Variants in DUS2 observed in about 807,000 individuals in gnomAD.
DUS2 encodes the protein dihydrouridine synthase 2.
A neutral mutation model predicts 71.3 loss-of-function variants in DUS2; 52 were observed. The observed-to-expected ratio is 0.73, with a 90% CI of 0.58 to 0.92. The LOEUF is 0.92. Ranked by LOEUF, DUS2 falls within the 40% of genes least tolerant of loss-of-function variation. The pLI is 0.00. For missense variants in DUS2, 558 were observed against 622.6 expected (o/e 0.90, Z 1.10); for synonymous variants, 204 against 227.8 (o/e 0.90, Z 0.94).
At chr16:68,037,263 C>T (rs898085303) in intron 2 of DUS2, among the ~76,000 whole-genome samples, 1 of 150,834 alleles carries the variant, frequency 6.6e-6, no homozygotes, top group African/African-American at 2.4e-5. Context: ...AATGTATGTG[C>T]ATGTATACTA....
Position 68,028,499 on chromosome 16 carries a change from CGTG to C in DUS2, c.-19+3013_-19+3015del, listed in dbSNP as rs556292025. Among the ~76,000 whole-genome samples, 1,053 of 151,978 alleles carry C rather than the reference CGTG, an allele frequency of 6.9e-3. 6 individuals carry two copies. Among genetic ancestry groups the C allele is most frequent in the Non-Finnish European group, 9.8e-3 (664 of 67,964 alleles). ...AAAAAAATACAAAAAATTAGCTGGG[CGTG>C]GTGGTGGGCACCTGTAATCCCAGCT... is the stretch of plus-strand genomic sequence containing the variant. On this transcript the variant is annotated intron_variant, in intron 2 of 16. Transcript: ENST00000565263.
intron 13 of DUS2, among the ~76,000 whole-genome samples, chr16:68,074,995 C>T (rs74680231): frequency 0.011 from 1,746 of 152,284 alleles, 35 homozygotes; most frequent in Non-Finnish European, 0.014. Context: ...TCTGTCTCTT[C>T]CTCCCATGGG....
chr16:68,031,366 T>C (rs1412044572), intron 2 of DUS2, among the ~76,000 whole-genome samples: 1 of 152,102 alleles, frequency 6.6e-6, no homozygotes, highest in Non-Finnish European at 1.5e-5. Context: ...GGTTTCACCA[T>C]GTTGGCCAGG....
intron 7 of DUS2, among the ~76,000 whole-genome samples, chr16:68,060,408 G>A (rs2151421923): frequency 6.6e-6 from 1 of 152,074 alleles, no homozygotes; most frequent in Admixed American, 6.6e-5. Flanking sequence ...CCACCTCCTG[G>A]GTTCAAGCAA....
chr16:68,038,143 C>T lies in DUS2; in HGVS notation c.120C>T (p.Tyr40=), dbSNP rs1237725710. 6.2e-7 allele frequency: 1 copy of T among 1,613,666 alleles called. No homozygotes were observed. The highest frequency in any genetic ancestry group is 8.5e-7 in the Non-Finnish European group (1 of 1,179,856). ...LALDYGADIV[Y]CEELIDLKMI... ...TGGATTATGGAGCGGACATTGTTTA[C>T]TGTGAGGTAAGGGGCTCTGATTTTC... Residue 40 remains tyrosine (Y), a synonymous_variant, in exon 3 of 17, where the codon TAC becomes TAT. Transcript: ENST00000565263.
At chr16:68,064,775 G>C (rs2033983564) in intron 8 of DUS2, among the ~76,000 whole-genome samples, 1 of 152,222 alleles carries the variant, frequency 6.6e-6, no homozygotes, top group Non-Finnish European at 1.5e-5. Flanking sequence ...AGCAGGTCCT[G>C]TCTTGCTCAT....
At chr16:68,042,510 A>C (rs994695820) in intron 3 of DUS2, among the ~76,000 whole-genome samples, 1 of 151,946 alleles carries the variant, frequency 6.6e-6, no homozygotes, top group African/African-American at 2.4e-5. Flanking sequence ...CGGTTTCTCT[A>C]CATCCTCAAA....
chr16:68,026,216 C>G (rs2033347440), intron 2 of DUS2, among the ~76,000 whole-genome samples: 1 of 152,122 alleles, frequency 6.6e-6, no homozygotes, highest in Non-Finnish European at 1.5e-5. Flanking sequence ...ATCTCGAACT[C>G]CTGACCTCAG....
intron 2 of DUS2, among the ~76,000 whole-genome samples, chr16:68,033,053 A>AT (rs923557638): frequency 1.3e-5 from 2 of 151,660 alleles, no homozygotes; most frequent in African/African-American, 4.9e-5. Flanking sequence ...AAGGTTTAGG[A>AT]TTTTTCCTAA....
intron 3 of DUS2, among the ~76,000 whole-genome samples, chr16:68,041,577 C>A (rs2033625552): frequency 1.3e-5 from 2 of 152,056 alleles, no homozygotes; most frequent in Admixed American, 1.3e-4. Context: ...CTTTGGGAGG[C>A]CGAGGCAGGT....
chr16:68,038,745 G>T (rs890146761), intron 3 of DUS2, among the ~76,000 whole-genome samples: 1 of 141,104 alleles, frequency 7.1e-6, no homozygotes, highest in Non-Finnish European at 1.5e-5. Flanking sequence ...AAAAAAAAAA[G>T]ATAAAAATAA....
intron 2 of DUS2, among the ~76,000 whole-genome samples, chr16:68,037,544 A>C (rs1351345865): frequency 1.3e-5 from 2 of 150,964 alleles, no homozygotes; most frequent in African/African-American, 2.4e-5. Context: ...CAGCCTCCTG[A>C]GTAGCTGGGA....
At chr16:68,070,277 G>A in intron 11 of DUS2, 57 bp downstream of exon 11, 1 of 1,540,670 alleles carries the variant, frequency 6.5e-7, no homozygotes, top group South Asian at 1.1e-5. Flanking sequence ...GGGCTGGGTG[G>A]TAGCCAGGCC....
At position 68,066,297 on chromosome 16, in the gene DUS2, T is replaced by C. The variant is rs754787374; in HGVS notation, c.418-20T>C. 1.2e-6 allele frequency: 2 copies of C among 1,613,404 alleles called. No homozygotes were observed. Among genetic ancestry groups the C allele is most frequent in the Non-Finnish European group, 8.5e-7 (1 of 1,179,456 alleles). On this transcript the variant is annotated intron_variant, in intron 8 of 16. Coordinates refer to ENST00000565263, the MANE Select transcript of DUS2 (RefSeq NM_017803.5). ...TTTGTTCCAGAAGACATAGGTGCTC[T>C]TGTGTTTTCCTTTCTGCAGATCCTC...
At chr16:68,068,775 T>G (rs1311558643) in intron 10 of DUS2, among the ~76,000 whole-genome samples, 2 of 148,660 alleles carry the variant, frequency 1.3e-5, no homozygotes, top group Non-Finnish European at 1.5e-5. Context: ...TTTTTTTGTA[T>G]TTTTAGTAGA....
intron 12 of DUS2, among the ~76,000 whole-genome samples, 187 bp downstream of exon 12, chr16:68,071,295 A>G (rs756623681): frequency 6.6e-6 from 1 of 152,236 alleles, no homozygotes; most frequent in Non-Finnish European, 1.5e-5. Context: ...ATGCTAAGAG[A>G]GGATGCTGGG....
chr16:68,079,093 C>A lies in DUS2; in HGVS notation c.*107C>A. On this transcript the variant is annotated 3_prime_UTR_variant, in exon 17 of 17. Transcript: ENST00000565263. The stretch of plus-strand genomic sequence containing the variant: ...TGAACAGTTTGCTGGTCTTGCCTGG[C>A]AGAAGTTAGATGTCCTGGCAGGGGC... 1.8e-6 allele frequency: 2 copies of A among 1,098,250 alleles called. No individual in the cohort carries two copies. Among genetic ancestry groups the A allele is most frequent in the Non-Finnish European group, 1.3e-6 (1 of 785,450 alleles). 68.0% of individuals were successfully genotyped at this position (1,098,250 alleles called of 1,614,324 possible). A position where few individuals can be genotyped will look rare whatever the true frequency, so the allele number is the denominator to read the frequency against.
At chr16:68,045,655 C>G (rs746507969) in intron 3 of DUS2, among the ~76,000 whole-genome samples, 9 of 149,386 alleles carry the variant, frequency 6.0e-5, no homozygotes, top group South Asian at 4.2e-4. Context: ...TTTACTTTTT[C>G]CTTTCTAATA....
intron 7 of DUS2, among the ~76,000 whole-genome samples, chr16:68,059,370 T>C (rs1347006939): frequency 6.6e-6 from 1 of 152,180 alleles, no homozygotes; most frequent in African/African-American, 2.4e-5. Context: ...AGGAAGGAAA[T>C]TCCATTGTTG....
Sources: allele counts gnomAD v4.1 joint callset (sites outside exome capture counted in the v4.1 genomes callset), GRCh38; gene constraint gnomAD v4.1.1; transcripts MANE v1.5; gene names NCBI Gene and HGNC (gene_info 2026-07-23, HGNC 2026-07-21).